Variants in DSCAM observed in about 807,000 individuals in gnomAD.
The protein encoded by DSCAM is cell adhesion molecule DSCAM.
In DSCAM, 47 loss-of-function variants were observed where a neutral mutation model predicts 217.7. That is an observed-to-expected ratio of 0.22 (90% CI 0.17 to 0.28). DSCAM has a LOEUF of 0.28. Among genes scored for constraint, DSCAM ranks in the 10% least tolerant of loss-of-function variants. The pLI is 1.00. For synonymous variants in DSCAM, 1,056 were observed against 1,015.3 expected (o/e 1.04, Z -0.76); for missense variants, 2,080 against 2,618.3 (o/e 0.79, Z 4.49).
intron 1 of DSCAM, among the ~76,000 whole-genome samples, chr21:40,797,111 T>G (rs887128122): frequency 6.6e-6 from 1 of 152,226 alleles, no homozygotes; most frequent in Non-Finnish European, 1.5e-5. Flanking sequence ...AGGGCCTATT[T>G]GTCTTCATTA....
intron 3 of DSCAM, among the ~76,000 whole-genome samples, chr21:40,433,215 G>T (rs900904557): frequency 6.6e-6 from 1 of 151,870 alleles, no homozygotes; most frequent in East Asian, 1.9e-4. Context: ...AAAATTAGCC[G>T]GGCATGGTAG....
chr21:40,640,247 T>C (rs2089861412), intron 3 of DSCAM, among the ~76,000 whole-genome samples: 1 of 149,136 alleles, frequency 6.7e-6, no homozygotes, highest in Non-Finnish European at 1.5e-5. Flanking sequence ...CACCTTTTCT[T>C]TTTCAGAAGA....
At chr21:40,800,321 A>G (rs1390289129) in intron 1 of DSCAM, among the ~76,000 whole-genome samples, 3 of 152,184 alleles carry the variant, frequency 2.0e-5, no homozygotes, top group Non-Finnish European at 4.4e-5. Flanking sequence ...GGTGTTGATG[A>G]TAGTGAACAC....
In DSCAM at chr21:40,710,816, T is replaced by G. The variant is rs868286306; in HGVS notation, c.44-2045A>C. 2.0e-5 allele frequency among the ~76,000 whole-genome samples: 3 copies of G among 152,356 alleles called. No individual in the cohort carries two copies. The Middle Eastern group carries it at 0.01, about 518-fold the overall frequency. ...CTTTCTAAAGCAGGTGCATACCTAG[T>G]TACATATTTGTAAGAGAGAAGAGAA... On this transcript the variant is annotated intron_variant, in intron 1 of 32. Coordinates refer to ENST00000400454, the MANE Select transcript of DSCAM (RefSeq NM_001389.5).
At position 40,347,689 on chromosome 21, in the gene DSCAM, A is replaced by G; in HGVS notation, c.1191T>C (p.Tyr397=). Residue 397 remains tyrosine (Y), a synonymous_variant, in exon 6 of 33, where the codon TAT becomes TAC. Coordinates refer to ENST00000400454, the MANE Select transcript of DSCAM (RefSeq NM_001389.5). ...VRKDKLSAQD[Y]VQVVLEDGTP... The stretch of plus-strand genomic sequence containing the variant: ...ACTGACCTTCAAGGACCACCTGCAC[A>G]TAGTCTTGAGCGGACAGCTTGTCCT... 2 of 1,614,014 alleles carry G rather than the reference A, an allele frequency of 1.2e-6. No homozygotes were observed. Among genetic ancestry groups the G allele is most frequent in the South Asian group, 1.1e-5 (1 of 91,084 alleles).
At chr21:40,743,104 A>G (rs541327769) in intron 1 of DSCAM, among the ~76,000 whole-genome samples, 14 of 152,300 alleles carry the variant, frequency 9.2e-5, no homozygotes, top group Non-Finnish European at 1.9e-4. Context: ...GGAGCTCAGA[A>G]GACTTTCATT....
intron 1 of DSCAM, among the ~76,000 whole-genome samples, chr21:40,795,013 T>C (rs984995251): frequency 2.6e-5 from 4 of 151,398 alleles, no homozygotes; most frequent in Non-Finnish European, 5.9e-5. Context: ...GATAGGCCTT[T>C]AACATGCACT....
At chr21:40,600,182 G>A (rs749055940) in intron 3 of DSCAM, among the ~76,000 whole-genome samples, 2 of 152,188 alleles carry the variant, frequency 1.3e-5, no homozygotes, top group Non-Finnish European at 2.9e-5. Flanking sequence ...ATTGAAGGAA[G>A]TCAAACTATC....
intron 3 of DSCAM, among the ~76,000 whole-genome samples, chr21:40,567,894 G>T (rs540925064): frequency 6.6e-6 from 1 of 151,804 alleles, no homozygotes; most frequent in Non-Finnish European, 1.5e-5. Context: ...CTTTCTATAA[G>T]AATTTATTCT....
chr21:40,672,856 G>C (rs960305247), intron 3 of DSCAM, among the ~76,000 whole-genome samples: 1 of 151,844 alleles, frequency 6.6e-6, no homozygotes, highest in African/African-American at 2.4e-5. Context: ...TCTCACATCT[G>C]TCCTTTTTTT....
chr21:40,413,188 A>T (rs955855440), intron 3 of DSCAM, among the ~76,000 whole-genome samples: 2 of 152,216 alleles, frequency 1.3e-5, no homozygotes, highest in Admixed American at 6.5e-5. Context: ...CAGAAGGGAA[A>T]TGTGGGGTCA....
At chr21:40,498,499 C>T (rs2076137162) in intron 3 of DSCAM, among the ~76,000 whole-genome samples, 1 of 151,242 alleles carries the variant, frequency 6.6e-6, no homozygotes, top group Non-Finnish European at 1.5e-5. Context: ...CTGTATAAAC[C>T]AGCAAGATTA....
chr21:40,310,114 A>G (rs548236372), intron 9 of DSCAM, among the ~76,000 whole-genome samples: 3 of 152,360 alleles, frequency 2.0e-5, no homozygotes, highest in Non-Finnish European at 4.4e-5. Flanking sequence ...AATTGACAGG[A>G]GCTTCATCCT....
chr21:40,756,677 C>T (rs2091279333), intron 1 of DSCAM, among the ~76,000 whole-genome samples: 1 of 152,166 alleles, frequency 6.6e-6, no homozygotes, highest in African/African-American at 2.4e-5. Context: ...CAGGCATGAG[C>T]CACCACGCGC....
chr21:40,326,552 C>G (rs114074344), intron 8 of DSCAM, among the ~76,000 whole-genome samples: 2 of 152,028 alleles, frequency 1.3e-5, no homozygotes, highest in Admixed American at 6.6e-5. Flanking sequence ...TGTGGAGAAA[C>G]GGGGAACTAT....
At chr21:40,465,192 T>C (rs945956651) in intron 3 of DSCAM, among the ~76,000 whole-genome samples, 2 of 152,204 alleles carry the variant, frequency 1.3e-5, no homozygotes, top group African/African-American at 4.8e-5. Context: ...TTCAACATCC[T>C]TTCTCATCAA....
At chr21:40,129,231 T>C (rs1457490278) in intron 19 of DSCAM, among the ~76,000 whole-genome samples, 5 of 152,220 alleles carry the variant, frequency 3.3e-5, no homozygotes, top group African/African-American at 7.2e-5. Context: ...AGCCATGCCG[T>C]GCCGTGCAGA....
At chr21:40,320,227 G>A (rs142159065) in intron 8 of DSCAM, among the ~76,000 whole-genome samples, 152 of 152,206 alleles carry the variant, frequency 1.0e-3, no homozygotes, top group African/African-American at 3.4e-3. Flanking sequence ...AGAACATTAT[G>A]TCCGCTATAG....
At chr21:40,449,043 G>A (rs1330046381) in intron 3 of DSCAM, among the ~76,000 whole-genome samples, 2 of 152,244 alleles carry the variant, frequency 1.3e-5, no homozygotes, top group African/African-American at 2.4e-5. Flanking sequence ...AGAGGCTGCC[G>A]AAATTTCTTG....
Sources: gnomAD v4.1 joint callset for allele counts (sites outside exome capture counted in the v4.1 genomes callset) on GRCh38, gnomAD v4.1.1 for gene constraint, MANE v1.5 for transcripts, NCBI Gene and HGNC (gene_info 2026-07-23, HGNC 2026-07-21) for gene names.